The following TNFRSF8 variants were observed in gnomAD, a reference collection of about 807,000 sequenced individuals.
TNFRSF8 encodes the protein TNF receptor superfamily member 8, also known as tumor necrosis factor receptor superfamily member 8.
TNFRSF8 carries 26 observed loss-of-function variants against 70.8 expected under a neutral mutation model. That is an observed-to-expected ratio of 0.37 (90% CI 0.27 to 0.51). TNFRSF8 has a LOEUF of 0.51. Among genes scored for constraint, TNFRSF8 ranks in the 20% least tolerant of loss-of-function variants. TNFRSF8 has a pLI of 0.94. For synonymous variants in TNFRSF8, 356 were observed against 339.2 expected (o/e 1.05, Z -0.54); for missense variants, 720 against 807.9 (o/e 0.89, Z 1.32).
chr1:12,132,837 CAA>C (rs55643235), intron 12 of TNFRSF8, among the ~76,000 whole-genome samples: 12,498 of 73,192 alleles, frequency 0.17, 304 homozygotes, highest in East Asian at 0.27. Context: ...GACTCCATCT[CAA>C]AAAAAAAAAA....
chr1:12,135,741 C>A, intron 13 of TNFRSF8, 128 bp downstream of exon 13: 1 of 1,303,184 alleles, frequency 7.7e-7, no homozygotes, highest in South Asian at 1.4e-5. Flanking sequence ...CCATTCCCCT[C>A]CCACAGTGCC....
At chr1:12,086,092 C>T (rs1641148750) in intron 2 of TNFRSF8, among the ~76,000 whole-genome samples, 1 of 152,170 alleles carries the variant, frequency 6.6e-6, no homozygotes, top group African/African-American at 2.4e-5. Context: ...CCCAGCTGTA[C>T]TGTCTGGAGG....
chr1:12,111,077 T>C (rs1357043044), intron 6 of TNFRSF8, among the ~76,000 whole-genome samples: 1 of 152,246 alleles, frequency 6.6e-6, no homozygotes, highest in Non-Finnish European at 1.5e-5. Flanking sequence ...AAAAATGGAT[T>C]TGTGGGACTT....
At chr1:12,075,663 A>G (rs1381114392) in intron 1 of TNFRSF8, among the ~76,000 whole-genome samples, 6 of 152,340 alleles carry the variant, frequency 3.9e-5, no homozygotes, top group Middle Eastern at 3.4e-3. Context: ...ATATGAGCAC[A>G]TATGTGAATA....
intron 1 of TNFRSF8, chr1:12,078,104 G>C (rs1640998037): frequency 6.6e-6 from 1 of 152,346 alleles, no homozygotes; most frequent in Non-Finnish European, 1.5e-5. Flanking sequence ...ACTGTGAGCT[G>C]GGCGTGGTGG....
At chr1:12,136,368 G>T (rs888783427) in intron 13 of TNFRSF8, among the ~76,000 whole-genome samples, 1 of 152,138 alleles carries the variant, frequency 6.6e-6, no homozygotes, top group Admixed American at 6.5e-5. Flanking sequence ...CAGTCTTTTG[G>T]CCGGATATGA....
At position 12,138,504 on chromosome 1, in the gene TNFRSF8, G is replaced by A. The variant is rs1344511529; in HGVS notation, c.1543+68G>A. 1.2e-5 allele frequency: 17 copies of A among 1,465,716 alleles called. No individual in the cohort carries two copies. Among genetic ancestry groups the A allele is most frequent in the Non-Finnish European group, 1.6e-5 (17 of 1,091,106 alleles). The allele number at this position is 1,465,716 out of a possible 1,614,324, so 90.8% of individuals were successfully genotyped here. ...AGATGGGAGATGAATACGGGGCCCT[G>A]GGCCCTGGAAGGGACCTGGAGACCC... On this transcript the variant is annotated intron_variant, in intron 14 of 14. Coordinates refer to ENST00000263932, the MANE Select transcript of TNFRSF8 (RefSeq NM_001243.5). The surrounding 1 kb of genome is among the most constrained non-coding windows in gnomAD (Gnocchi z 5.7).
intron 12 of TNFRSF8, among the ~76,000 whole-genome samples, chr1:12,134,688 G>A (rs3766735): frequency 0.091 from 13,838 of 152,190 alleles, 717 homozygotes; most frequent in South Asian, 0.21. Flanking sequence ...AGAGAAAATC[G>A]AAGTCCAGCT....
At chr1:12,134,642 C>G (rs958222740) in intron 12 of TNFRSF8, among the ~76,000 whole-genome samples, 1 of 152,170 alleles carries the variant, frequency 6.6e-6, no homozygotes, top group African/African-American at 2.4e-5. Flanking sequence ...TTGTCCTCCT[C>G]GAAGGCTGCC....
intron 4 of TNFRSF8, among the ~76,000 whole-genome samples, chr1:12,107,332 T>A (rs1433045644): frequency 6.0e-5 from 9 of 148,806 alleles, no homozygotes; most frequent in Non-Finnish European, 1.2e-4. Flanking sequence ...GAGGTGGAGG[T>A]TGTAGTGAGC....
At chr1:12,118,958 G>A (rs1329050512) in intron 8 of TNFRSF8, among the ~76,000 whole-genome samples, 7 of 152,060 alleles carry the variant, frequency 4.6e-5, no homozygotes, top group African/African-American at 9.7e-5. Context: ...TCCACCTCCC[G>A]GGTTCAAGCA....
At chr1:12,082,973 C>T (rs1315490523) in intron 1 of TNFRSF8, among the ~76,000 whole-genome samples, 1 of 151,594 alleles carries the variant, frequency 6.6e-6, no homozygotes, top group Non-Finnish European at 1.5e-5. Context: ...AGCCAGACAA[C>T]CCAATTAAAA....
chr1:12,078,013 T>C (rs1640996653), intron 1 of TNFRSF8: 1 of 152,078 alleles, frequency 6.6e-6, no homozygotes, highest in South Asian at 2.1e-4. Flanking sequence ...CATAGCTGGG[T>C]TGGAAGCCAT....
At chr1:12,123,202 C>G in intron 8 of TNFRSF8, 82 bp from the exon 9 acceptor site, 1 of 1,244,916 alleles carries the variant, frequency 8.0e-7, no homozygotes, top group South Asian at 1.4e-5. Flanking sequence ...CGCTGGAAGC[C>G]ACCAGTCCCT....
chr1:12,075,716 C>T (rs1640934604), intron 1 of TNFRSF8, among the ~76,000 whole-genome samples: 1 of 152,222 alleles, frequency 6.6e-6, no homozygotes, highest in Non-Finnish European at 1.5e-5. Context: ...TGGTATGATT[C>T]TTGCTAACTG....
At position 12,138,810 on chromosome 1, in the gene TNFRSF8, A is replaced by G. The variant is rs1642202316; in HGVS notation, c.1543+374A>G. On this transcript the variant is annotated intron_variant, in intron 14 of 14. Coordinates refer to ENST00000263932, the MANE Select transcript of TNFRSF8 (RefSeq NM_001243.5). The surrounding 1 kb of genome is among the most constrained non-coding windows in gnomAD (Gnocchi z 5.7). ...TGTAGGTGCCATCTCTTCATCTCTGATGGTCTCACCACCTTCTTTGGATGG... is the reference window on the plus strand; with the variant it reads ...TGTAGGTGCCATCTCTTCATCTCTGGTGGTCTCACCACCTTCTTTGGATGG... Among the ~76,000 whole-genome samples the G allele has an allele frequency of 6.6e-6, 1 of 152,142 alleles. No homozygotes were observed. Among genetic ancestry groups the G allele is most frequent in the Non-Finnish European group, 1.5e-5 (1 of 68,026 alleles).
intron 4 of TNFRSF8, among the ~76,000 whole-genome samples, chr1:12,104,972 C>T (rs956494151): frequency 1.3e-5 from 2 of 152,178 alleles, no homozygotes; most frequent in Non-Finnish European, 2.9e-5. Flanking sequence ...GGTTTCTTTT[C>T]CAACTTATCG....
At chr1:12,099,375 C>G (rs147520980) in intron 3 of TNFRSF8, among the ~76,000 whole-genome samples, 1 of 152,086 alleles carries the variant, frequency 6.6e-6, no homozygotes, top group South Asian at 2.1e-4. Flanking sequence ...AAACTCCTGA[C>G]CTCAAGTGAT....
rs1393985820 is a variant in TNFRSF8 at position 12,088,769 on chromosome 1, G to A, written c.151+4218G>A. 1.3e-5 allele frequency among the ~76,000 whole-genome samples: 2 copies of A among 152,258 alleles called. No individual in the cohort carries two copies. The highest frequency in any genetic ancestry group is 2.9e-5 in the Non-Finnish European group (2 of 68,048). On this transcript the variant is annotated intron_variant, in intron 2 of 14. Coordinates refer to ENST00000263932, the MANE Select transcript of TNFRSF8 (RefSeq NM_001243.5). The surrounding 1 kb of genome is among the most constrained non-coding windows in gnomAD (Gnocchi z 4.0). ...CTCCGAAGGCTGTGAACAGGAAGGA[G>A]GAGGAGGAGGGGGTTTGTGGGTTCC...
Sources: allele counts gnomAD v4.1 joint callset (sites outside exome capture counted in the v4.1 genomes callset), GRCh38; gene constraint gnomAD v4.1.1; non-coding constraint Gnocchi (gnomAD v3.1); transcripts MANE v1.5; gene names NCBI Gene and HGNC (gene_info 2026-07-23, HGNC 2026-07-21).